The following MAPK10 variants were observed in gnomAD, a reference collection of about 807,000 sequenced individuals.
The protein encoded by MAPK10 is JNK3 alpha protein kinase.
MAPK10 carries 25 observed loss-of-function variants against 59.3 expected under a neutral mutation model. That is an observed-to-expected ratio of 0.42 (90% CI 0.31 to 0.59). MAPK10 has a LOEUF of 0.59. Among genes scored for constraint, MAPK10 ranks in the 20% least tolerant of loss-of-function variants. The pLI, the probability that MAPK10 is intolerant of heterozygous loss-of-function variation, is 0.15. For synonymous variants in MAPK10, 190 were observed against 200.5 expected (o/e 0.95, Z 0.44); for missense variants, 351 against 568.9 (o/e 0.62, Z 3.90).
intron 1 of MAPK10, among the ~76,000 whole-genome samples, chr4:86,410,992 T>C (rs1745100944): frequency 6.6e-6 from 1 of 152,194 alleles, no homozygotes; most frequent in Non-Finnish European, 1.5e-5. Context: ...ATTGTGATGT[T>C]AGGGTGTCAA....
At chr4:86,249,869 C>A (rs1356174143) in intron 2 of MAPK10, among the ~76,000 whole-genome samples, 2 of 152,148 alleles carry the variant, frequency 1.3e-5, no homozygotes, top group Admixed American at 6.5e-5. Flanking sequence ...CATAATTATA[C>A]AATGATACCA....
intron 2 of MAPK10, among the ~76,000 whole-genome samples, chr4:86,346,372 A>G (rs554207026): frequency 6.6e-6 from 1 of 152,286 alleles, no homozygotes; most frequent in East Asian, 1.9e-4. Context: ...TGCATTACCT[A>G]TGGTACCTAA....
rs556450728 is a variant in MAPK10, at chr4:86,048,694, A to G, written c.1110+15572T>C. ...TAGCATCAATGAATAGCCCCAGGAT[A>G]CAAATCCACAGTGAATGAAGAAACA... is the stretch of plus-strand genomic sequence containing the variant. On this transcript the variant is annotated intron_variant, in intron 11 of 13. Transcript: ENST00000641462. Among the ~76,000 whole-genome samples the G allele has an allele frequency of 2.0e-5, 3 of 152,276 alleles. No individual in the cohort carries two copies. In the South Asian group the frequency reaches 6.2e-4, roughly 32 times the overall value.
At chr4:86,128,925 T>C (rs954546237) in intron 4 of MAPK10, among the ~76,000 whole-genome samples, 19 of 152,208 alleles carry the variant, frequency 1.2e-4, no homozygotes, top group African/African-American at 4.6e-4. Flanking sequence ...GCTATTCCAC[T>C]AAGACGGCAG....
intron 4 of MAPK10, among the ~76,000 whole-genome samples, chr4:86,136,052 C>T (rs376492445): frequency 1.1e-3 from 168 of 152,002 alleles, no homozygotes; most frequent in Admixed American, 4.0e-3. Flanking sequence ...ACCAAATCTA[C>T]GTCTGATTGG....
At chr4:86,117,659 T>C (rs1018360850) in intron 4 of MAPK10, 7 of 152,220 alleles carry the variant, frequency 4.6e-5, no homozygotes, top group African/African-American at 1.4e-4. Flanking sequence ...GATGCACCTA[T>C]GAGCGATTTG....
At chr4:86,292,468 A>G (rs1287141483) in intron 2 of MAPK10, among the ~76,000 whole-genome samples, 1 of 152,116 alleles carries the variant, frequency 6.6e-6, no homozygotes, top group African/African-American at 2.4e-5. Context: ...TTTAATCCCA[A>G]CATTTTGGGA....
At chr4:86,239,212 G>A (rs937521108) in intron 2 of MAPK10, among the ~76,000 whole-genome samples, 1 of 152,152 alleles carries the variant, frequency 6.6e-6, no homozygotes, top group Non-Finnish European at 1.5e-5. Context: ...TGATCATGGT[G>A]GATAAGCTTT....
At chr4:86,234,920 T>C (rs888696993) in intron 2 of MAPK10, among the ~76,000 whole-genome samples, 1 of 152,168 alleles carries the variant, frequency 6.6e-6, no homozygotes, top group Admixed American at 6.5e-5. Flanking sequence ...TTCTCACACA[T>C]TTTCTAAAAT....
chr4:86,199,388 C>A (rs1301093379), intron 2 of MAPK10, among the ~76,000 whole-genome samples: 5 of 151,766 alleles, frequency 3.3e-5, no homozygotes, highest in Admixed American at 6.6e-5. Flanking sequence ...AAACAAGTAT[C>A]AAATATGACA....
intron 13 of MAPK10, chr4:86,023,785 G>C (rs1748621244): frequency 1.7e-5 from 2 of 119,742 alleles, no homozygotes; most frequent in Admixed American, 1.8e-4. Context: ...AGTGTCAGTG[G>C]ATTGGATGTT....
intron 1 of MAPK10, among the ~76,000 whole-genome samples, chr4:86,551,252 T>C (rs1759750721): frequency 6.6e-6 from 1 of 152,254 alleles, no homozygotes; most frequent in Admixed American, 6.5e-5. Context: ...TGTTTTCCAC[T>C]ATTTAATGAT....
intron 3 of MAPK10, among the ~76,000 whole-genome samples, chr4:86,175,527 C>G (rs944849645): frequency 6.6e-6 from 1 of 152,026 alleles, no homozygotes; most frequent in African/African-American, 2.4e-5. Flanking sequence ...GTGCTGCCAT[C>G]TCAATAGTGA....
At chr4:86,545,537 A>G (rs1235540593) in intron 1 of MAPK10, among the ~76,000 whole-genome samples, 1 of 152,216 alleles carries the variant, frequency 6.6e-6, no homozygotes, top group Non-Finnish European at 1.5e-5. Flanking sequence ...GGCACAATGC[A>G]GGAAATGGAA....
intron 1 of MAPK10, among the ~76,000 whole-genome samples, chr4:86,587,622 G>C (rs1271900665): frequency 6.6e-6 from 1 of 152,128 alleles, no homozygotes; most frequent in Non-Finnish European, 1.5e-5. Flanking sequence ...ATATGCTCCT[G>C]GGCTTAAAGT....
intron 2 of MAPK10, among the ~76,000 whole-genome samples, chr4:86,269,278 A>G (rs1009265160): frequency 4.6e-5 from 7 of 152,190 alleles, no homozygotes; most frequent in African/African-American, 1.7e-4. Context: ...TTGCCCTGTC[A>G]TTATGACATA....
intron 3 of MAPK10, chr4:86,191,484 C>T (rs2149308825): frequency 6.8e-6 from 1 of 146,206 alleles, no homozygotes; most frequent in East Asian, 2.0e-4. Flanking sequence ...GCATTGACCC[C>T]TTTACCTTTA....
intron 2 of MAPK10, among the ~76,000 whole-genome samples, chr4:86,215,525 A>C (rs2087233331): frequency 6.6e-6 from 1 of 152,150 alleles, no homozygotes; most frequent in African/African-American, 2.4e-5. Context: ...AGAAATTCAA[A>C]TCCAAAATAC....
chr4:86,019,839 T>C (rs956306916), intron 13 of MAPK10, among the ~76,000 whole-genome samples: 7 of 152,204 alleles, frequency 4.6e-5, no homozygotes, highest in Non-Finnish European at 8.8e-5. Flanking sequence ...GGATGACATA[T>C]CCCTAGACTA....
Sources: allele counts gnomAD v4.1 joint callset (sites outside exome capture counted in the v4.1 genomes callset), GRCh38; gene constraint gnomAD v4.1.1; transcripts MANE v1.5; gene names NCBI Gene and HGNC (gene_info 2026-07-23, HGNC 2026-07-21).